ZNF326: variants seen among roughly 807,000 people sequenced by gnomAD.
ZNF326 encodes zinc finger protein 326, also known as DBIRD complex subunit ZNF326.
A neutral mutation model predicts 63.1 loss-of-function variants in ZNF326; 30 were observed. The ratio of observed to expected loss-of-function variants is 0.48; its 90% CI spans 0.36 to 0.64. The LOEUF (loss-of-function observed/expected upper bound fraction) is 0.64, where lower values mean the gene tolerates loss of function less well. Among genes scored for constraint, ZNF326 ranks in the 30% least tolerant of loss-of-function variants. The probability of loss-of-function intolerance (pLI) is 0.00; values close to 1 mark genes in which losing one functional copy is unlikely to be tolerated. For synonymous variants in ZNF326, 194 were observed against 228.2 expected, an observed-to-expected ratio of 0.85 and a Z score of 1.35; for missense variants, 609 against 720.3, an observed-to-expected ratio of 0.85 and a Z score of 1.77.
chr1:90,000,630 A>G (rs1226444763), intron 2 of ZNF326, among the ~76,000 whole-genome samples: 1 of 152,266 alleles, frequency 6.6e-6, no homozygotes, highest in South Asian at 2.1e-4. Flanking sequence ...GATTGAGCCC[A>G]GGAGGTGGAG....
At chr1:90,005,986 C>T in intron 4 of ZNF326, 1 of 985,408 alleles carries the variant, frequency 1.0e-6, no homozygotes, top group Non-Finnish European at 1.2e-6. Context: ...GAAGGGGTGT[C>T]TACTTTTTGA....
intron 8 of ZNF326, 132 bp from the exon 9 acceptor site, chr1:90,018,553 T>C (rs1424641387): frequency 4.3e-6 from 2 of 467,898 alleles, no homozygotes; most frequent in East Asian, 7.6e-5. Context: ...AATTAAATTA[T>C]AAACTCCTTG....
intron 2 of ZNF326, among the ~76,000 whole-genome samples, chr1:90,004,275 A>G (rs1480878197): frequency 6.6e-6 from 1 of 152,074 alleles, no homozygotes; most frequent in Non-Finnish European, 1.5e-5. Flanking sequence ...ATTGGTCTCA[A>G]TCTGTGATTT....
chr1:90,025,985 G>A (rs74601332), intron 11 of ZNF326, among the ~76,000 whole-genome samples: 3 of 131,942 alleles, frequency 2.3e-5, no homozygotes, highest in African/African-American at 5.8e-5. Flanking sequence ...TTTTTTTTTC[G>A]AGACAGAGTC....
chr1:90,005,465 A>G (rs1648942868), intron 4 of ZNF326: 2 of 1,223,090 alleles, frequency 1.6e-6, no homozygotes, highest in African/African-American at 1.6e-5. Flanking sequence ...ATATCATGTC[A>G]ATATAATAGA....
chr1:90,025,752 CAT>C (rs1191692357), intron 11 of ZNF326, among the ~76,000 whole-genome samples: 5 of 152,138 alleles, frequency 3.3e-5, no homozygotes, highest in Admixed American at 2.0e-4. Context: ...AAAATTATAA[CAT>C]ATTAAATGTA....
At position 90,022,360 on chromosome 1, in the gene ZNF326, C is replaced by T; in HGVS notation, c.1401+15C>T. ...GTTTTGTTAAGGTAAGATTTTAGGG[C>T]AAAAACCTTTTCAATAATATTGTAG... On this transcript the variant is annotated intron_variant, in intron 11 of 11. Coordinates refer to ENST00000340281, the MANE Select transcript of ZNF326 (RefSeq NM_182976.4). The T allele has an allele frequency of 1.3e-6, 2 of 1,573,276 alleles. No homozygotes were observed. Among genetic ancestry groups the T allele is most frequent in the African/African-American group, 1.4e-5 (1 of 73,666 alleles).
intron 11 of ZNF326, among the ~76,000 whole-genome samples, chr1:90,022,566 A>G (rs895569990): frequency 2.0e-5 from 3 of 152,224 alleles, no homozygotes; most frequent in African/African-American, 4.8e-5. Flanking sequence ...CTCTGAATCA[A>G]TGAGAAATAC....
intron 8 of ZNF326, 71 bp downstream of exon 8, chr1:90,017,535 C>A: frequency 1.5e-6 from 2 of 1,347,822 alleles, no homozygotes; most frequent in Admixed American, 2.7e-5. Context: ...TTTTCACTCT[C>A]CCCATCTCTC....
At chr1:90,024,238 C>CA (rs146739214) in intron 11 of ZNF326, among the ~76,000 whole-genome samples, 19 of 151,806 alleles carry the variant, frequency 1.3e-4, no homozygotes, top group African/African-American at 2.4e-4. Flanking sequence ...GCAGAGAAGA[C>CA]AAAAAAACAA....
intron 7 of ZNF326, among the ~76,000 whole-genome samples, chr1:90,015,879 G>C (rs1457449164): frequency 6.7e-6 from 1 of 149,994 alleles, no homozygotes; most frequent in Admixed American, 6.7e-5. Flanking sequence ...AGATTGAAGT[G>C]ACTCTAATGG....
At chr1:90,005,809 C>A in intron 4 of ZNF326, 2 of 985,364 alleles carry the variant, frequency 2.0e-6, no homozygotes, top group Non-Finnish European at 2.4e-6. Context: ...TTGACAGGTA[C>A]TACTTACACC....
At chr1:89,995,327 C>T in intron 1 of ZNF326, 54 bp downstream of exon 1, 1 of 1,523,530 alleles carries the variant, frequency 6.6e-7, no homozygotes, top group Non-Finnish European at 8.8e-7. Flanking sequence ...GGGTGGCCTA[C>T]GCAGGGGGTC....
intron 1 of ZNF326, 60 bp downstream of exon 1, chr1:89,995,333 G>T: frequency 6.6e-7 from 1 of 1,520,786 alleles, no homozygotes; most frequent in Non-Finnish European, 8.8e-7. Context: ...CCTACGCAGG[G>T]GGTCTGTTTA....
chr1:90,019,373 T>C (rs1274801300), intron 9 of ZNF326, among the ~76,000 whole-genome samples: 9 of 152,178 alleles, frequency 5.9e-5, no homozygotes, highest in Admixed American at 4.6e-4. Flanking sequence ...TAAACAACTT[T>C]CTACTACTGT....
rs559801015 is a variant in ZNF326 at position 90,033,615 on chromosome 1, A to G, written c.*5914A>G. 48 of 152,304 alleles carry G rather than the reference A, an allele frequency of 3.2e-4. No homozygotes were observed. Among genetic ancestry groups the G allele is most frequent in the African/African-American group, 1.1e-3 (45 of 41,568 alleles). The allele number at this position is 152,304 out of a possible 1,614,324, so 9.4% of individuals were successfully genotyped here. A position where few individuals can be genotyped will look rare whatever the true frequency, so the allele number is the denominator to read the frequency against. On this transcript the variant is annotated 3_prime_UTR_variant, in exon 12 of 12. Coordinates refer to ENST00000340281, the MANE Select transcript of ZNF326 (RefSeq NM_182976.4). ...TCTGTTTTAGGCTGATTAGTTGAAT[A>G]AACATGGCTGAGAATCAAATTACTG...
At chr1:90,019,066 C>T (rs1334683629) in intron 9 of ZNF326, among the ~76,000 whole-genome samples, 1 of 152,100 alleles carries the variant, frequency 6.6e-6, no homozygotes, top group East Asian at 1.9e-4. Context: ...TATTCCTTCT[C>T]CCAAAATTCA....
At chr1:90,023,470 G>A (rs1253821794) in intron 11 of ZNF326, among the ~76,000 whole-genome samples, 1 of 152,026 alleles carries the variant, frequency 6.6e-6, no homozygotes, top group African/African-American at 2.4e-5. Context: ...ATTAGTTCTT[G>A]CAGCTCGTTC....
chr1:90,005,041 C>G lies in ZNF326; in HGVS notation c.97+3C>G. On this transcript the variant is annotated splice_donor_region_variant and intron_variant, in intron 3 of 11. Coordinates refer to ENST00000340281, the MANE Select transcript of ZNF326 (RefSeq NM_182976.4). ...TTATGGCCCTGGATCTTATGGAGGTCTGACATTCAAGGATATTTATCTAAA... is the reference window on the plus strand; with the variant it reads ...TTATGGCCCTGGATCTTATGGAGGTGTGACATTCAAGGATATTTATCTAAA... 1 of 1,613,930 alleles carries G rather than the reference C, an allele frequency of 6.2e-7. No homozygotes were observed. The highest frequency in any genetic ancestry group is 8.5e-7 in the Non-Finnish European group (1 of 1,179,982).
Sources: gnomAD v4.1 joint callset for allele counts (sites outside exome capture counted in the v4.1 genomes callset) on GRCh38, gnomAD v4.1.1 for gene constraint, MANE v1.5 for transcripts, NCBI Gene and HGNC (gene_info 2026-07-23, HGNC 2026-07-21) for gene names.